POTEF: variants seen among roughly 807,000 people sequenced by gnomAD.
The protein encoded by POTEF is POTE ankyrin domain family member F.
Under a neutral mutation model 83.2 loss-of-function variants are expected in POTEF, and 20 were observed. That is an observed-to-expected ratio of 0.24 (90% confidence interval 0.17 to 0.35). The LOEUF is 0.35. Among genes scored for constraint, POTEF ranks in the 10% least tolerant of loss-of-function variants. The pLI is 1.00. For synonymous variants in POTEF, 196 were observed against 446.4 expected, an observed-to-expected ratio of 0.44 and a Z score of 7.07; for missense variants, 550 against 1,203.2, an observed-to-expected ratio of 0.46 and a Z score of 8.03.
intron 5 of POTEF, among the ~76,000 whole-genome samples, chr2:130,113,994 C>A (rs1684778197): frequency 6.6e-6 from 1 of 152,042 alleles, no homozygotes; most frequent in South Asian, 2.1e-4. Flanking sequence ...ACTTGTTTAT[C>A]TTCCACCTTC....
At chr2:130,121,103 C>A in intron 2 of POTEF, among the ~76,000 whole-genome samples, 1 of 151,892 alleles carries the variant, frequency 6.6e-6, no homozygotes, top group Non-Finnish European at 1.5e-5. Flanking sequence ...AGCCAAGCTG[C>A]TGCCGGGCGT....
chr2:130,128,725 A>G (rs1222755642), intron 1 of POTEF, among the ~76,000 whole-genome samples: 1 of 148,682 alleles, frequency 6.7e-6, no homozygotes, highest in Non-Finnish European at 1.5e-5. Flanking sequence ...ACCCGACAAC[A>G]CTCCTAAACC....
At chr2:130,118,858 C>A (rs540989735) in intron 3 of POTEF, among the ~76,000 whole-genome samples, 82 of 150,856 alleles carry the variant, frequency 5.4e-4, no homozygotes, top group Non-Finnish European at 1.0e-3. Context: ...GAATTATGAA[C>A]AATCCATCTT....
At chr2:130,103,935 G>A (rs1458254766) in intron 8 of POTEF, among the ~76,000 whole-genome samples, 1 of 141,270 alleles carries the variant, frequency 7.1e-6, no homozygotes, top group East Asian at 2.1e-4. Flanking sequence ...TAAAGATGGA[G>A]AGTGGGGCAG....
chr2:130,119,030 G>A (rs11689144), intron 3 of POTEF, among the ~76,000 whole-genome samples: 79,601 of 151,584 alleles, frequency 0.53, 22,342 homozygotes, highest in Admixed American at 0.67. Flanking sequence ...ATCTGGAAAA[G>A]CAGCCTTTTT....
In POTEF at chr2:130,108,357, C is replaced by A. The variant is rs3990547; in HGVS notation, c.1056-278G>T. Reference sequence around the variant, plus strand: ...CATAATAGAAAGTGTCCCAACTCTGCATAAGTCCTAGCTCCATAATGAACA... The same window carrying A: ...CATAATAGAAAGTGTCCCAACTCTGAATAAGTCCTAGCTCCATAATGAACA... On this transcript the variant is annotated intron_variant, in intron 7 of 16. Transcript: ENST00000409914. 2.5e-3 allele frequency among the ~76,000 whole-genome samples: 381 copies of A among 151,166 alleles called. 1 individual carries two copies. Among genetic ancestry groups the A allele is most frequent in the African/African-American group, 8.3e-3 (335 of 40,464 alleles).
intron 6 of POTEF, 116 bp downstream of exon 6, chr2:130,111,879 T>G: frequency 2.7e-6 from 2 of 732,524 alleles, no homozygotes; most frequent in Admixed American, 6.7e-5. Flanking sequence ...AACTGATTTG[T>G]GTTGATACTG....
Position 130,111,364 on chromosome 2 carries a change from T to C in POTEF, c.917+631A>G, listed in dbSNP as rs1328480364. 2.0e-5 allele frequency among the ~76,000 whole-genome samples: 3 copies of C among 151,884 alleles called. No homozygotes were observed. The East Asian group carries it at 5.8e-4, about 29-fold the overall frequency. Reference sequence around the variant, plus strand: ...ATCACCCACGTACGGCTTGTCTTCATTAAAGGAAAAGTGTATCCACTTAAA... The same window carrying C: ...ATCACCCACGTACGGCTTGTCTTCACTAAAGGAAAAGTGTATCCACTTAAA... On this transcript the variant is annotated intron_variant, in intron 6 of 16. Coordinates refer to ENST00000409914, the MANE Select transcript of POTEF (RefSeq NM_001099771.2).
chr2:130,107,455 G>A (rs1369857249), intron 8 of POTEF, among the ~76,000 whole-genome samples: 2 of 150,872 alleles, frequency 1.3e-5, no homozygotes, highest in Non-Finnish European at 2.9e-5. Flanking sequence ...CGCAGAGCAG[G>A]GGTCCTCAAC....
At chr2:130,117,013 T>TC (rs1383654664) in intron 3 of POTEF, among the ~76,000 whole-genome samples, 1 of 147,808 alleles carries the variant, frequency 6.8e-6, no homozygotes, top group Non-Finnish European at 1.5e-5. Flanking sequence ...TTATGTCTGA[T>TC]GACTAAATGG....
Position 130,075,182 on chromosome 2 carries a change from T to A in POTEF, c.2290A>T (p.Ile764Phe), listed in dbSNP as rs769911470. 28 of 1,612,988 alleles carry A rather than the reference T, an allele frequency of 1.7e-5. No homozygotes were observed. In the South Asian group the frequency reaches 2.7e-4, roughly 16 times the overall value. Residue 764 changes from isoleucine (I) to phenylalanine (F), a missense_variant, in exon 17 of 17, where the codon ATC (isoleucine) becomes TTC (phenylalanine). Physicochemically the swap from Ile to Phe is conservative, Grantham distance 21 (BLOSUM62 0). Coordinates refer to ENST00000409914, the MANE Select transcript of POTEF (RefSeq NM_001099771.2). ...VGKEAQSKRG[I>F]LTLKYPMEHG... The stretch of plus-strand genomic sequence containing the variant: ...TCCATGGGGTACTTCAGGGTCAGGA[T>A]GCCTCTTTTGCTCTGGGCCTCCTTG...
Position 130,097,236 on chromosome 2 carries a change from A to AT in POTEF, c.1409+2233dup, listed in dbSNP as rs1684264120. Among the ~76,000 whole-genome samples the AT allele has an allele frequency of 3.2e-5, 3 of 93,666 alleles. No individual in the cohort carries two copies. The South Asian group carries it at 1.3e-3, about 42-fold the overall frequency. The allele number at this position is 93,666 out of a possible 152,430, so 61.4% of individuals were successfully genotyped here. A position where few individuals can be genotyped will look rare whatever the true frequency, so the allele number is the denominator to read the frequency against. On this transcript the variant is annotated intron_variant, in intron 11 of 16. Transcript: ENST00000409914. ...ATTGTGATAATCTTGAGGAAAAACA[A>AT]TGTTGGAGGACTGCTGAAATTGAAG...
chr2:130,128,831 C>A (rs1476650896), intron 1 of POTEF, among the ~76,000 whole-genome samples: 2 of 131,636 alleles, frequency 1.5e-5, no homozygotes, highest in Non-Finnish European at 3.2e-5. Context: ...ACCCCTCCCC[C>A]GCCACCGGCA....
In POTEF at chr2:130,106,123, G is replaced by A. The variant is rs1209129163; in HGVS notation, c.1126+1886C>T. Among the ~76,000 whole-genome samples the A allele has an allele frequency of 9.3e-5, 14 of 151,104 alleles. No individual in the cohort carries two copies. The East Asian group carries it at 1.7e-3, about 19-fold the overall frequency. On this transcript the variant is annotated intron_variant, in intron 8 of 16. Coordinates refer to ENST00000409914, the MANE Select transcript of POTEF (RefSeq NM_001099771.2). The stretch of plus-strand genomic sequence containing the variant: ...GAGCTGCTGCGGATTAGCCAACCAT[G>A]AAAGGAGACGTGAATAAAACACTGT...
Position 130,075,573 on chromosome 2 carries a change from C to T in POTEF, c.1900-1G>A. On this transcript the variant is annotated splice_acceptor_variant, in intron 16 of 16. Coordinates refer to ENST00000409914, the MANE Select transcript of POTEF (RefSeq NM_001099771.2). LOFTEE classifies it high-confidence loss of function. The stretch of plus-strand genomic sequence containing the variant: ...TTTCTTTCTTACAACTAAGAGAAAG[C>T]TAAGTAAACAAAGAGAACTTTTAGT... 1.2e-6 allele frequency: 2 copies of T among 1,608,630 alleles called. No individual in the cohort carries two copies. Among genetic ancestry groups the T allele is most frequent in the Non-Finnish European group, 1.7e-6 (2 of 1,178,884 alleles).
chr2:130,107,060 T>C (rs1243432267), intron 8 of POTEF, among the ~76,000 whole-genome samples: 1 of 148,330 alleles, frequency 6.7e-6, no homozygotes, highest in Non-Finnish European at 1.5e-5. Flanking sequence ...CTCACACAGT[T>C]TGGACAATAT....
At chr2:130,101,524 G>GA (rs1471079082) in intron 9 of POTEF, among the ~76,000 whole-genome samples, 3 of 149,846 alleles carry the variant, frequency 2.0e-5, no homozygotes, top group Non-Finnish European at 2.9e-5. Flanking sequence ...TCCCTGAACA[G>GA]AAACGCTGAG....
In POTEF at chr2:130,112,044, A is replaced by G; in HGVS notation, c.868T>C (p.Phe290Leu). The change falls in exon 6 of 17, where the codon TTT (phenylalanine) becomes CTT (leucine). Residue 290 changes from phenylalanine (F) to leucine (L), a missense_variant. Physicochemically the swap from Phe to Leu is conservative, Grantham distance 22. Coordinates refer to ENST00000409914, the MANE Select transcript of POTEF (RefSeq NM_001099771.2). ...VHEQKQQVVK[F>L]LIKKKANLNA... ...AAATTCGCTTTTTTCTTAATTAAAA[A>G]TTTCACGACTTGCTGTTTTTGCTCA... The G allele has an allele frequency of 8.0e-7, 1 of 1,254,770 alleles. No individual in the cohort carries two copies. Among genetic ancestry groups the G allele is most frequent in the Admixed American group, 2.5e-5 (1 of 39,406 alleles). 77.7% of individuals were successfully genotyped at this position (1,254,770 alleles called of 1,614,324 possible).
At position 130,120,460 on chromosome 2, in the gene POTEF, C is replaced by A. The variant is rs557666251; in HGVS notation, c.56G>T (p.Gly19Val). Reference protein sequence around the residue: ...PAASSVKKPFGLRSKMGKWCC... With the variant: ...PAASSVKKPFVLRSKMGKWCC... ...CCACTTGCCCATCTTGCTCCTGAGA[C>A]CAAATGGCTTCTTCACAGAAGAGGC... The change falls in exon 3 of 17, where the codon GGT (glycine) becomes GTT (valine). Residue 19 changes from glycine (G) to valine (V), a missense_variant. Gly to Val is a moderately radical substitution (Grantham distance 109, BLOSUM62 -3). Coordinates refer to ENST00000409914, the MANE Select transcript of POTEF (RefSeq NM_001099771.2). The A allele has an allele frequency of 1.3e-5, 21 of 1,613,622 alleles. No homozygotes were observed. The highest frequency in any genetic ancestry group is 1.7e-4 in the Middle Eastern group (1 of 6,026).
Sources: allele counts gnomAD v4.1 joint callset (sites outside exome capture counted in the v4.1 genomes callset), GRCh38; gene constraint gnomAD v4.1.1; transcripts MANE v1.5; gene names NCBI Gene and HGNC (gene_info 2026-07-23, HGNC 2026-07-21).